The following ADGRL3 variants were observed in gnomAD, a reference collection of about 807,000 sequenced individuals.
ADGRL3 encodes the protein calcium-independent alpha-latrotoxin receptor 3.
In ADGRL3, 62 loss-of-function variants were observed where a neutral mutation model predicts 153.5. The ratio of observed to expected loss-of-function variants is 0.40; its 90% CI spans 0.33 to 0.50. The LOEUF (loss-of-function observed/expected upper bound fraction) is 0.50. Among genes scored for constraint, ADGRL3 ranks in the 20% least tolerant of loss-of-function variants. ADGRL3 has a pLI of 0.47. For missense variants in ADGRL3, 1,641 were observed against 1,859.4 expected (o/e 0.88, Z 2.16); for synonymous variants, 710 against 672.5 (o/e 1.06, Z -0.86).
At position 62,071,820 on chromosome 4, in the gene ADGRL3, A is replaced by C; in HGVS notation, c.*912A>C. On this transcript the variant is annotated 3_prime_UTR_variant, in exon 27 of 27. Coordinates refer to ENST00000683033, the MANE Select transcript of ADGRL3 (RefSeq NM_001387552.1). ...TAAATGGAACTATCACTTTATAAGA[A>C]TCATTTTCTAGTAATGCAAACAAAT... 5.4e-6 allele frequency: 2 copies of C among 368,276 alleles called. No individual in the cohort carries two copies. Among genetic ancestry groups the C allele is most frequent in the Non-Finnish European group, 1.0e-5 (2 of 191,618 alleles). 22.8% of individuals were successfully genotyped at this position (368,276 alleles called of 1,614,324 possible).
Position 61,345,974 on chromosome 4 carries a change from A to G in ADGRL3, c.-239-37150A>G, listed in dbSNP as rs557955041. On this transcript the variant is annotated intron_variant, in intron 1 of 26. Transcript: ENST00000683033. ...GACCAGCTCATGTTGATAAGATTGAAGGGTTTTTATTCATTTGTCAAACCT... is the reference window on the plus strand; with the variant it reads ...GACCAGCTCATGTTGATAAGATTGAGGGGTTTTTATTCATTTGTCAAACCT... Among the ~76,000 whole-genome samples, 462 of 152,282 alleles carry G rather than the reference A, an allele frequency of 3.0e-3. 5 individuals are homozygous for G. Among genetic ancestry groups the G allele is most frequent in the African/African-American group, 0.011 (447 of 41,562 alleles).
chr4:61,231,155 G>A (rs544216750), intron 1 of ADGRL3, among the ~76,000 whole-genome samples: 1 of 152,300 alleles, frequency 6.6e-6, no homozygotes, highest in South Asian at 2.1e-4. Context: ...TGCGGAGATA[G>A]TAGACCCAGG....
intron 2 of ADGRL3, among the ~76,000 whole-genome samples, chr4:61,402,155 C>T (rs1161424297): frequency 1.3e-5 from 2 of 152,018 alleles, no homozygotes; most frequent in African/African-American, 4.8e-5. Context: ...AAAAACTTAG[C>T]TTGAAAGATT....
At chr4:61,371,789 T>C in intron 1 of ADGRL3, among the ~76,000 whole-genome samples, 1 of 152,152 alleles carries the variant, frequency 6.6e-6, no homozygotes, top group Non-Finnish European at 1.5e-5. Flanking sequence ...CCTTGCTAGA[T>C]TGGGGAAATT....
In ADGRL3 at chr4:61,503,663, T is replaced by A. The variant is rs190780379; in HGVS notation, c.55+6315T>A. Among the ~76,000 whole-genome samples the A allele has an allele frequency of 1.9e-4, 29 of 152,218 alleles. No individual in the cohort carries two copies. In the East Asian group the frequency reaches 5.2e-3, roughly 27 times the overall value. ...TTTAAGAGATTTTTAGACTATATTTTCTAAGAATAGCTTTTAAATTTTTTA... is the reference window on the plus strand; with the variant it reads ...TTTAAGAGATTTTTAGACTATATTTACTAAGAATAGCTTTTAAATTTTTTA... On this transcript the variant is annotated intron_variant, in intron 3 of 26. Coordinates refer to ENST00000683033, the MANE Select transcript of ADGRL3 (RefSeq NM_001387552.1).
At chr4:61,573,492 T>C (rs2098847447) in intron 4 of ADGRL3, among the ~76,000 whole-genome samples, 1 of 151,974 alleles carries the variant, frequency 6.6e-6, no homozygotes, top group African/African-American at 2.4e-5. Flanking sequence ...ATATCTAATT[T>C]CTAATTCTTC....
chr4:62,014,935 TCTC>T (rs2099204683), intron 21 of ADGRL3, among the ~76,000 whole-genome samples: 2 of 152,146 alleles, frequency 1.3e-5, no homozygotes, highest in Admixed American at 6.5e-5. Flanking sequence ...CTTTTCTCAT[TCTC>T]CTATTTTTCG....
At chr4:61,661,969 C>T in intron 5 of ADGRL3, among the ~76,000 whole-genome samples, 1 of 152,320 alleles carries the variant, frequency 6.6e-6, no homozygotes, top group South Asian at 2.1e-4. Context: ...TGTATTTATT[C>T]TTTCAAGTGT....
chr4:61,231,439 G>A (rs1485457073), intron 1 of ADGRL3, among the ~76,000 whole-genome samples: 5 of 152,054 alleles, frequency 3.3e-5, no homozygotes, highest in Admixed American at 6.6e-5. Flanking sequence ...TTGTGGGGGC[G>A]GAGTGGAGGG....
intron 8 of ADGRL3, among the ~76,000 whole-genome samples, chr4:61,809,187 A>G (rs2097581774): frequency 6.6e-6 from 1 of 152,102 alleles, no homozygotes; most frequent in Admixed American, 6.6e-5. Flanking sequence ...CGAAAAGTTG[A>G]GTTGAAAAAT....
chr4:61,665,513 C>T lies in ADGRL3; in HGVS notation c.474-11313C>T, dbSNP rs975390167. ...AAGTAATACCTGGAAATTCAGTAAC[C>T]GTCTTAACCATCTTAAGACCATAAG... On this transcript the variant is annotated intron_variant, in intron 5 of 26. Transcript: ENST00000683033. Among the ~76,000 whole-genome samples, 7 of 151,988 alleles carry T rather than the reference C, an allele frequency of 4.6e-5. No individual in the cohort carries two copies. In the South Asian group the frequency reaches 6.2e-4, roughly 13 times the overall value.
intron 2 of ADGRL3, among the ~76,000 whole-genome samples, chr4:61,465,622 G>A (rs1333671743): frequency 6.6e-6 from 1 of 150,966 alleles, no homozygotes; most frequent in Non-Finnish European, 1.5e-5. Flanking sequence ...ACTAGAATGT[G>A]TATATTTCTG....
chr4:62,063,735 G>A, intron 25 of ADGRL3: 1 of 524,546 alleles, frequency 1.9e-6, no homozygotes, highest in Admixed American at 2.9e-5. Flanking sequence ...CTTTGTTTTG[G>A]AAGCAGACCT....
Position 61,460,346 on chromosome 4 carries a change from C to T in ADGRL3, c.-173-36775C>T, listed in dbSNP as rs150877166. On this transcript the variant is annotated intron_variant, in intron 2 of 26. Transcript: ENST00000683033. ...GGGTGTCCTTTCCCCAACGTATATACAGTGGAATACTATTCAGCCATAAAA... is the reference window on the plus strand; with the variant it reads ...GGGTGTCCTTTCCCCAACGTATATATAGTGGAATACTATTCAGCCATAAAA... Among the ~76,000 whole-genome samples, 8 of 152,088 alleles carry T rather than the reference C, an allele frequency of 5.3e-5. No homozygotes were observed. The East Asian group carries it at 1.6e-3, about 30-fold the overall frequency.
At chr4:61,629,407 T>C (rs906689176) in intron 5 of ADGRL3, among the ~76,000 whole-genome samples, 5 of 151,644 alleles carry the variant, frequency 3.3e-5, no homozygotes, top group Non-Finnish European at 7.4e-5. Flanking sequence ...TTCTATATGG[T>C]TTTTCTCCAT....
intron 6 of ADGRL3, among the ~76,000 whole-genome samples, chr4:61,701,724 G>A (rs1044267224): frequency 6.6e-5 from 10 of 151,790 alleles, no homozygotes; most frequent in Admixed American, 2.0e-4. Flanking sequence ...GACATGAGCC[G>A]CTGCGCAGAA....
chr4:61,864,068 C>A (rs572354973), intron 9 of ADGRL3, among the ~76,000 whole-genome samples: 1 of 152,152 alleles, frequency 6.6e-6, no homozygotes, highest in East Asian at 1.9e-4. Context: ...TTGAAAATAA[C>A]CCGGACATAT....
chr4:61,509,035 A>G (rs1197627959), intron 3 of ADGRL3, among the ~76,000 whole-genome samples: 1 of 151,108 alleles, frequency 6.6e-6, no homozygotes, highest in Admixed American at 6.6e-5. Flanking sequence ...AAACGATCCC[A>G]CGGGTTCCAT....
intron 4 of ADGRL3, among the ~76,000 whole-genome samples, chr4:61,519,484 G>A (rs1367533035): frequency 6.6e-6 from 1 of 152,156 alleles, no homozygotes; most frequent in East Asian, 1.9e-4. Flanking sequence ...AATCTGTCAT[G>A]ATGAGATGAT....
Sources: gnomAD v4.1 joint callset for allele counts (sites outside exome capture counted in the v4.1 genomes callset) on GRCh38, gnomAD v4.1.1 for gene constraint, MANE v1.5 for transcripts, NCBI Gene and HGNC (gene_info 2026-07-23, HGNC 2026-07-21) for gene names.